The following PIP4K2A variants were observed in gnomAD, a reference collection of about 807,000 sequenced individuals.
PIP4K2A encodes the protein phosphatidylinositol-5-phosphate 4-kinase type 2 alpha.
Under a neutral mutation model 42.9 loss-of-function variants are expected in PIP4K2A, and 14 were observed. That is an observed-to-expected ratio of 0.33 (90% CI 0.22 to 0.51). PIP4K2A has a LOEUF of 0.51. Among genes scored for constraint, PIP4K2A ranks in the 20% least tolerant of loss-of-function variants. The probability of loss-of-function intolerance (pLI) is 0.97; values close to 1 mark genes in which losing one functional copy is unlikely to be tolerated. For missense variants in PIP4K2A, 434 were observed against 519.8 expected, an observed-to-expected ratio of 0.83 and a Z score of 1.61; for synonymous variants, 192 against 192.2, an observed-to-expected ratio of 1.00 and a Z score of 0.01.
In PIP4K2A at chr10:22,536,187, T is replaced by C. The variant is rs1239267447; in HGVS notation, c.*1014A>G. On this transcript the variant is annotated 3_prime_UTR_variant, in exon 10 of 10. Transcript: ENST00000376573. ...ACAATGGTCAAACATAAACATCTTA[T>C]AATTCAGATCTGCATTTGGTAACAG... 1 of 398,434 alleles carries C rather than the reference T, an allele frequency of 2.5e-6. No homozygotes were observed. The highest frequency in any genetic ancestry group is 4.4e-6 in the Non-Finnish European group (1 of 226,030). 24.7% of individuals were successfully genotyped at this position (398,434 alleles called of 1,614,324 possible).
At chr10:22,561,294 C>T (rs1314549517) in intron 6 of PIP4K2A, among the ~76,000 whole-genome samples, 1 of 152,122 alleles carries the variant, frequency 6.6e-6, no homozygotes, top group African/African-American at 2.4e-5. Context: ...GAAAGTGATT[C>T]CATTGTTAGA....
intron 6 of PIP4K2A, chr10:22,567,559 T>G: frequency 7.9e-6 from 5 of 629,968 alleles, no homozygotes; most frequent in Non-Finnish European, 1.5e-5. Flanking sequence ...CCATTTTCGA[T>G]TATAGGTTTA....
At position 22,575,273 on chromosome 10, in the gene PIP4K2A, T is replaced by C. The variant is rs184119307; in HGVS notation, c.493-1816A>G. Among the ~76,000 whole-genome samples, 535 of 152,298 alleles carry C rather than the reference T, an allele frequency of 3.5e-3. 13 individuals are homozygous for C. Among genetic ancestry groups the C allele is most frequent in the Admixed American group, 0.031 (468 of 15,304 alleles). ...TGTGCTCCCAACTGACATACAGACA[T>C]GTACTGAGTGGGGTCTGCTCCGAGG... On this transcript the variant is annotated intron_variant, in intron 4 of 9. Coordinates refer to ENST00000376573, the MANE Select transcript of PIP4K2A (RefSeq NM_005028.5).
At chr10:22,597,274 C>T (rs937540584) in intron 3 of PIP4K2A, among the ~76,000 whole-genome samples, 3 of 152,134 alleles carry the variant, frequency 2.0e-5, no homozygotes, top group African/African-American at 7.2e-5. Flanking sequence ...GAGCCCTGGG[C>T]CCAGAGTCAG....
At chr10:22,594,935 G>A (rs1301331763) in intron 3 of PIP4K2A, among the ~76,000 whole-genome samples, 1 of 152,130 alleles carries the variant, frequency 6.6e-6, no homozygotes, top group African/African-American at 2.4e-5. Flanking sequence ...TAATCCACGT[G>A]AGTAGCCCCA....
intron 1 of PIP4K2A, among the ~76,000 whole-genome samples, chr10:22,677,392 C>T (rs893394303): frequency 5.9e-5 from 9 of 152,146 alleles, no homozygotes; most frequent in Admixed American, 5.2e-4. Context: ...AGGGCTAGCG[C>T]GAGGGTCTGC....
At chr10:22,674,384 G>C (rs549863034) in intron 1 of PIP4K2A, among the ~76,000 whole-genome samples, 13 of 118,956 alleles carry the variant, frequency 1.1e-4, no homozygotes, top group Non-Finnish European at 1.7e-4. Flanking sequence ...GTGGTGATCA[G>C]AGAAGAGACA....
At chr10:22,593,456 A>G (rs1178124301) in intron 3 of PIP4K2A, among the ~76,000 whole-genome samples, 1 of 152,270 alleles carries the variant, frequency 6.6e-6, no homozygotes, top group African/African-American at 2.4e-5. Flanking sequence ...GAATGATAAA[A>G]ATGACTTTCA....
chr10:22,606,581 G>A (rs1176042252), intron 3 of PIP4K2A, among the ~76,000 whole-genome samples: 1 of 152,164 alleles, frequency 6.6e-6, no homozygotes, highest in African/African-American at 2.4e-5. Context: ...GGAAATTTTT[G>A]GCAATGGTAC....
intron 1 of PIP4K2A, among the ~76,000 whole-genome samples, chr10:22,643,481 C>T (rs1838820488): frequency 6.6e-6 from 1 of 152,122 alleles, no homozygotes; most frequent in African/African-American, 2.4e-5. Flanking sequence ...GGCCTTCCAT[C>T]CCTGTTTAAT....
chr10:22,555,302 T>C (rs575945949), intron 6 of PIP4K2A, among the ~76,000 whole-genome samples: 7 of 152,328 alleles, frequency 4.6e-5, no homozygotes, highest in African/African-American at 1.7e-4. Flanking sequence ...CTCTGTGACT[T>C]GGTTTCCCAT....
chr10:22,536,428 GA>G lies in PIP4K2A; in HGVS notation c.*772del, dbSNP rs1221406922. ...TTGGCCGAGGTGAAAAATGTATAGA[GA>G]ATCACTGGGGCATCAGCTGCTTGTT... On this transcript the variant is annotated 3_prime_UTR_variant, in exon 10 of 10. Transcript: ENST00000376573. The G allele has an allele frequency of 1.6e-5, 4 of 247,344 alleles. No homozygotes were observed. Among genetic ancestry groups the G allele is most frequent in the Non-Finnish European group, 3.1e-5 (4 of 130,838 alleles). 15.3% of individuals were successfully genotyped at this position (247,344 alleles called of 1,614,324 possible). A position where few individuals can be genotyped will look rare whatever the true frequency, so the allele number is the denominator to read the frequency against.
At position 22,567,957 on chromosome 10, in the gene PIP4K2A, A is replaced by T. The variant is rs1437567705; in HGVS notation, c.640-68T>A. Reference sequence around the variant, plus strand: ...TTGGGTTTCACACGCAGAAAATATGAAAATGGCTCCAGGCGGAGCAGAGAG... The same window carrying T: ...TTGGGTTTCACACGCAGAAAATATGTAAATGGCTCCAGGCGGAGCAGAGAG... On this transcript the variant is annotated intron_variant, in intron 5 of 9. Coordinates refer to ENST00000376573, the MANE Select transcript of PIP4K2A (RefSeq NM_005028.5). The T allele has an allele frequency of 1.4e-5, 20 of 1,398,980 alleles. No homozygotes were observed. In the East Asian group the frequency reaches 3.9e-4, roughly 27 times the overall value. 86.7% of individuals were successfully genotyped at this position (1,398,980 alleles called of 1,614,324 possible). A position where few individuals can be genotyped will look rare whatever the true frequency, so the allele number is the denominator to read the frequency against.
At chr10:22,630,183 A>G (rs1031865685) in intron 1 of PIP4K2A, among the ~76,000 whole-genome samples, 5 of 152,046 alleles carry the variant, frequency 3.3e-5, no homozygotes, top group Non-Finnish European at 2.9e-5. Context: ...ACAAAAAAAA[A>G]AAAAAAGCCA....
chr10:22,671,708 C>G (rs1839453227), intron 1 of PIP4K2A, among the ~76,000 whole-genome samples: 1 of 151,452 alleles, frequency 6.6e-6, no homozygotes, highest in Non-Finnish European at 1.5e-5. Context: ...ACAGTTTTCA[C>G]TATTAATTGC....
At chr10:22,641,550 T>G (rs1028082065) in intron 1 of PIP4K2A, among the ~76,000 whole-genome samples, 42 of 151,944 alleles carry the variant, frequency 2.8e-4, no homozygotes, top group African/African-American at 9.9e-4. Context: ...CAAGTGATCC[T>G]CCCACCTCAA....
intron 1 of PIP4K2A, among the ~76,000 whole-genome samples, chr10:22,623,299 G>A (rs558386508): frequency 3.3e-5 from 5 of 152,168 alleles, no homozygotes; most frequent in South Asian, 2.1e-4. Flanking sequence ...GTGAGCTTCC[G>A]TACTGTTTAA....
At chr10:22,679,065 G>T (rs1839614157) in intron 1 of PIP4K2A, among the ~76,000 whole-genome samples, 1 of 152,148 alleles carries the variant, frequency 6.6e-6, no homozygotes, top group African/African-American at 2.4e-5. Context: ...AACGGCAGAA[G>T]CAACAAACTA....
At chr10:22,650,349 G>A (rs142105060) in intron 1 of PIP4K2A, among the ~76,000 whole-genome samples, 323 of 152,170 alleles carry the variant, frequency 2.1e-3, no homozygotes, top group African/African-American at 6.8e-3. Flanking sequence ...TCGACTTCCC[G>A]GGCTCAAGGG....
Sources: gnomAD v4.1 joint callset for allele counts (sites outside exome capture counted in the v4.1 genomes callset) on GRCh38, gnomAD v4.1.1 for gene constraint, MANE v1.5 for transcripts, NCBI Gene and HGNC (gene_info 2026-07-23, HGNC 2026-07-21) for gene names.